Variants in PARN observed in about 807,000 individuals in gnomAD.
The protein encoded by PARN is poly(A)-specific ribonuclease, also known as poly(A)-specific ribonuclease PARN.
A neutral mutation model predicts 102.8 loss-of-function variants in PARN; 71 were observed. The observed-to-expected ratio is 0.69, with a 90% CI of 0.57 to 0.84. PARN has a LOEUF of 0.84. Ranked by LOEUF, PARN falls within the 40% of genes least tolerant of loss-of-function variation. The probability of loss-of-function intolerance (pLI) is 0.00; values close to 1 mark genes in which losing one functional copy is unlikely to be tolerated. For missense variants in PARN, 782 were observed against 760.9 expected (o/e 1.03, Z -0.33); for synonymous variants, 261 against 252.9 (o/e 1.03, Z -0.30).
intron 12 of PARN, among the ~76,000 whole-genome samples, chr16:14,596,098 A>G (rs1005966104): frequency 6.6e-6 from 1 of 152,210 alleles, no homozygotes; most frequent in Non-Finnish European, 1.5e-5. Flanking sequence ...AGAAGCAATA[A>G]TATCACCTAG....
intron 22 of PARN, among the ~76,000 whole-genome samples, chr16:14,462,298 A>T (rs1293043496): frequency 6.6e-6 from 1 of 152,182 alleles, no homozygotes; most frequent in Admixed American, 6.5e-5. Context: ...TTGAAGGGGG[A>T]AAGTCAGAGA....
At chr16:14,557,555 C>A in intron 18 of PARN, among the ~76,000 whole-genome samples, 3 of 115,692 alleles carry the variant, frequency 2.6e-5, no homozygotes, top group African/African-American at 3.4e-5. Context: ...AAAACTCTGC[C>A]TCAAAAAAAA....
intron 21 of PARN, among the ~76,000 whole-genome samples, chr16:14,539,938 C>A (rs1966778769): frequency 6.6e-6 from 1 of 152,160 alleles, no homozygotes; most frequent in Non-Finnish European, 1.5e-5. Context: ...ACTTACATAG[C>A]ATTTGCATTG....
At position 14,630,212 on chromosome 16, in the gene PARN, A is replaced by T; in HGVS notation, c.-87T>A. 8.2e-7 allele frequency: 1 copy of T among 1,222,970 alleles called. No individual in the cohort carries two copies. The highest frequency in any genetic ancestry group is 2.1e-5 in the Admixed American group (1 of 47,458). The allele number at this position is 1,222,970 out of a possible 1,614,324, so 75.8% of individuals were successfully genotyped here. On this transcript the variant is annotated 5_prime_UTR_variant, in exon 1 of 24. Transcript: ENST00000437198. The stretch of plus-strand genomic sequence containing the variant: ...CGCCGAATTCCGCGGCGACTGCGGC[A>T]GTAGCTGAGGCAGCCGCAGCGGTGA...
intron 21 of PARN, among the ~76,000 whole-genome samples, chr16:14,532,349 G>A (rs1596594050): frequency 6.6e-6 from 1 of 151,588 alleles, no homozygotes; most frequent in South Asian, 2.1e-4. Context: ...GTGTCCCTGG[G>A]TACTTGAGAT....
At chr16:14,582,673 T>C (rs987104666) in intron 16 of PARN, among the ~76,000 whole-genome samples, 3 of 151,860 alleles carry the variant, frequency 2.0e-5, no homozygotes, top group South Asian at 2.1e-4. Context: ...CAGGCCACAA[T>C]AGATGATCCA....
chr16:14,547,337 C>T (rs1440367381), intron 21 of PARN, among the ~76,000 whole-genome samples: 3 of 152,004 alleles, frequency 2.0e-5, no homozygotes, highest in South Asian at 2.1e-4. Flanking sequence ...CAACAGAAAC[C>T]GAATGGCACT....
chr16:14,517,390 A>G (rs1965511292), intron 21 of PARN, among the ~76,000 whole-genome samples: 1 of 152,176 alleles, frequency 6.6e-6, no homozygotes, highest in Non-Finnish European at 1.5e-5. Flanking sequence ...AGAGGCTCCC[A>G]CTGTCCCAGT....
intron 21 of PARN, among the ~76,000 whole-genome samples, chr16:14,504,945 A>T (rs1361461343): frequency 1.3e-5 from 2 of 152,370 alleles, no homozygotes; most frequent in East Asian, 3.9e-4. Flanking sequence ...ACACTAAACA[A>T]AAAAGTAAAA....
At position 14,582,055 on chromosome 16, in the gene PARN, A is replaced by T; in HGVS notation, c.1192+126T>A. The T allele has an allele frequency of 5.5e-6, 4 of 722,726 alleles. No individual in the cohort carries two copies. In the South Asian group the frequency reaches 6.5e-5, roughly 12 times the overall value. The allele number at this position is 722,726 out of a possible 1,614,324, so 44.8% of individuals were successfully genotyped here. On this transcript the variant is annotated intron_variant, in intron 17 of 23. Coordinates refer to ENST00000437198, the MANE Select transcript of PARN (RefSeq NM_002582.4). ...TGGACTTTCCAGCCTCCTGAACATG[A>T]GAAATAAATGTCTGTTGTTTAAGCC...
intron 20 of PARN, among the ~76,000 whole-genome samples, chr16:14,552,748 A>C (rs762245318): frequency 1.2e-4 from 19 of 152,152 alleles, no homozygotes; most frequent in South Asian, 6.2e-4. Flanking sequence ...CAGGAGTTTG[A>C]GACCAGCCTG....
At chr16:14,483,447 G>A (rs1272250450) in intron 21 of PARN, among the ~76,000 whole-genome samples, 1 of 152,222 alleles carries the variant, frequency 6.6e-6, no homozygotes, top group African/African-American at 2.4e-5. Flanking sequence ...GCAGGGATAA[G>A]ATGCAAAACC....
chr16:14,593,518 A>C (rs1216630573), intron 12 of PARN, 140 bp from the exon 13 acceptor site: 1 of 453,230 alleles, frequency 2.2e-6, no homozygotes, highest in Admixed American at 4.0e-5. Context: ...AAAAAAAAAA[A>C]AAAAAGTACA....
intron 5 of PARN, among the ~76,000 whole-genome samples, chr16:14,619,120 G>A (rs988598576): frequency 6.6e-6 from 1 of 151,892 alleles, no homozygotes; most frequent in Non-Finnish European, 1.5e-5. Context: ...ACTTAAGTAT[G>A]GAAGGTGAGG....
chr16:14,618,657 A>C (rs1224680797), intron 5 of PARN, among the ~76,000 whole-genome samples: 1 of 136,058 alleles, frequency 7.3e-6, no homozygotes, highest in Admixed American at 7.3e-5. Context: ...AGACTGTCTC[A>C]AAAAAAAAAA....
intron 5 of PARN, among the ~76,000 whole-genome samples, chr16:14,624,092 T>C (rs1972490369): frequency 6.6e-6 from 1 of 152,196 alleles, no homozygotes; most frequent in South Asian, 2.1e-4. Flanking sequence ...CCTCCACATC[T>C]TGACAAGCAT....
intron 21 of PARN, among the ~76,000 whole-genome samples, chr16:14,500,757 T>C (rs1054307938): frequency 2.0e-5 from 3 of 152,166 alleles, no homozygotes; most frequent in Admixed American, 6.6e-5. Flanking sequence ...AAAAAAAAAG[T>C]ACCTGAAAGC....
intron 13 of PARN, among the ~76,000 whole-genome samples, chr16:14,590,902 T>C (rs1349377491): frequency 6.6e-6 from 1 of 152,140 alleles, no homozygotes; most frequent in East Asian, 1.9e-4. Flanking sequence ...TTTACAGATG[T>C]ATAAGTGAGA....
intron 23 of PARN, among the ~76,000 whole-genome samples, chr16:14,444,686 C>G (rs937177282): frequency 2.6e-5 from 4 of 152,214 alleles, no homozygotes; most frequent in African/African-American, 9.6e-5. Context: ...AAATCCTGCT[C>G]AGTACGATCT....
Sources: gnomAD v4.1 joint callset for allele counts (sites outside exome capture counted in the v4.1 genomes callset) on GRCh38, gnomAD v4.1.1 for gene constraint, MANE v1.5 for transcripts, NCBI Gene and HGNC (gene_info 2026-07-23, HGNC 2026-07-21) for gene names.